The following TMCC3 variants were observed in gnomAD, a reference collection of about 807,000 sequenced individuals.
TMCC3 encodes transmembrane and coiled-coil domain protein 3.
In TMCC3, 28 loss-of-function variants were observed where a neutral mutation model predicts 40.2. The observed-to-expected ratio is 0.70, with a 90% CI of 0.52 to 0.95. The LOEUF (loss-of-function observed/expected upper bound fraction) is 0.95, where lower values mean the gene tolerates loss of function less well. TMCC3 is among the 40% of genes least tolerant of loss of function. The pLI is 0.00. For synonymous variants in TMCC3, 255 were observed against 248.5 expected, an observed-to-expected ratio of 1.03 and a Z score of -0.25; for missense variants, 554 against 615.2, an observed-to-expected ratio of 0.90 and a Z score of 1.05.
intron 1 of TMCC3, among the ~76,000 whole-genome samples, chr12:94,624,310 C>T (rs987024942): frequency 6.6e-6 from 1 of 152,094 alleles, no homozygotes; most frequent in South Asian, 2.1e-4. Context: ...AAACATATAC[C>T]CCCACAAAAA....
chr12:94,620,705 G>C (rs2138868097), intron 1 of TMCC3, among the ~76,000 whole-genome samples: 1 of 151,848 alleles, frequency 6.6e-6, no homozygotes, highest in Non-Finnish European at 1.5e-5. Flanking sequence ...CTTAATCTTT[G>C]CTAAACACGA....
chr12:94,614,061 C>G (rs2068832453), intron 1 of TMCC3: 1 of 144,932 alleles, frequency 6.9e-6, no homozygotes, highest in East Asian at 2.1e-4. Context: ...CACCACTGCA[C>G]TCCAGCCTGG....
chr12:94,646,463 A>G, intron 1 of TMCC3, among the ~76,000 whole-genome samples: 1 of 133,480 alleles, frequency 7.5e-6, no homozygotes, highest in Admixed American at 7.7e-5. Flanking sequence ...TTTGAGAGGA[A>G]GTCTCACTCT....
In TMCC3 at chr12:94,590,655, G is replaced by A. The variant is rs531681421; in HGVS notation, c.79-8117C>T. ...TGCTGGCTGATACAGCTGGGAGACC[G>A]ATGTGGGGCTCAGCATGGCCCCACA... On this transcript the variant is annotated intron_variant, in intron 1 of 3. Transcript: ENST00000261226. 4.7e-4 allele frequency among the ~76,000 whole-genome samples: 72 copies of A among 152,266 alleles called. 1 individual carries two copies. Among genetic ancestry groups the A allele is most frequent in the African/African-American group, 1.7e-3 (69 of 41,556 alleles).
At chr12:94,620,594 A>T (rs564802990) in intron 1 of TMCC3, among the ~76,000 whole-genome samples, 6 of 147,172 alleles carry the variant, frequency 4.1e-5, no homozygotes, top group Admixed American at 4.1e-4. Flanking sequence ...GGCCTGTGGA[A>T]TTTTTTTTTT....
chr12:94,613,511 A>AATT (rs2068828770), intron 1 of TMCC3, among the ~76,000 whole-genome samples: 1 of 152,154 alleles, frequency 6.6e-6, no homozygotes, highest in African/African-American at 2.4e-5. Flanking sequence ...AAATCAAAGA[A>AATT]CACATACTTT....
At chr12:94,643,952 G>T (rs972828577) in intron 1 of TMCC3, among the ~76,000 whole-genome samples, 1 of 152,212 alleles carries the variant, frequency 6.6e-6, no homozygotes, top group Non-Finnish European at 1.5e-5. Context: ...CTGTAAAATG[G>T]AAAAGTGGGA....
At chr12:94,630,414 T>C (rs1264091021) in intron 1 of TMCC3, among the ~76,000 whole-genome samples, 1 of 152,146 alleles carries the variant, frequency 6.6e-6, no homozygotes, top group African/African-American at 2.4e-5. Context: ...GTCTACTGGT[T>C]TAGGGGCACA....
rs1243267627 is a variant in TMCC3 at position 94,637,034 on chromosome 12, AC to A, written c.78+13318del. Among the ~76,000 whole-genome samples, 3 of 151,946 alleles carry A rather than the reference AC, an allele frequency of 2.0e-5. No individual in the cohort carries two copies. The East Asian group carries it at 5.8e-4, about 29-fold the overall frequency. ...TCAGTTTATGGTACTTTGTTACACA[AC>A]AGTTAAAAAAAAAATAGAGTCAGGA... is the stretch of plus-strand genomic sequence containing the variant. On this transcript the variant is annotated intron_variant, in intron 1 of 3. Coordinates refer to ENST00000261226, the MANE Select transcript of TMCC3 (RefSeq NM_020698.4).
At chr12:94,573,567 G>A (rs1594263028) in intron 3 of TMCC3, among the ~76,000 whole-genome samples, 4 of 152,102 alleles carry the variant, frequency 2.6e-5, no homozygotes, top group Admixed American at 2.6e-4. Context: ...ACAGTACTCT[G>A]GCCTTTTCTA....
intron 1 of TMCC3, among the ~76,000 whole-genome samples, chr12:94,640,011 G>A (rs1456373016): frequency 2.0e-5 from 3 of 152,166 alleles, no homozygotes; most frequent in Non-Finnish European, 2.9e-5. Context: ...GGTTTTCCTA[G>A]ATGATTCTGA....
At chr12:94,588,144 G>A (rs965575773) in intron 1 of TMCC3, among the ~76,000 whole-genome samples, 1 of 152,102 alleles carries the variant, frequency 6.6e-6, no homozygotes, top group African/African-American at 2.4e-5. Context: ...CACCGGACAC[G>A]GGCACAGCAA....
At chr12:94,642,742 C>T (rs2068997353) in intron 1 of TMCC3, among the ~76,000 whole-genome samples, 1 of 152,252 alleles carries the variant, frequency 6.6e-6, no homozygotes, top group South Asian at 2.1e-4. Flanking sequence ...TCTTCCTCTC[C>T]CATCTGAACA....
intron 1 of TMCC3, among the ~76,000 whole-genome samples, chr12:94,633,256 C>T (rs1334834212): frequency 6.6e-6 from 1 of 151,906 alleles, no homozygotes; most frequent in Non-Finnish European, 1.5e-5. Context: ...TGAAAACACG[C>T]AAAGGAATGA....
At chr12:94,622,625 G>A (rs576932516) in intron 1 of TMCC3, among the ~76,000 whole-genome samples, 1 of 152,274 alleles carries the variant, frequency 6.6e-6, no homozygotes, top group African/African-American at 2.4e-5. Context: ...CAGGGCACAT[G>A]TGATCCAAAA....
intron 1 of TMCC3, among the ~76,000 whole-genome samples, chr12:94,597,232 T>G (rs1448301957): frequency 6.9e-6 from 1 of 144,780 alleles, no homozygotes; most frequent in Non-Finnish European, 1.5e-5. Context: ...GGAGGACTGA[T>G]TGAACCCAGG....
chr12:94,621,637 GT>G (rs1299477701), intron 1 of TMCC3, among the ~76,000 whole-genome samples: 1 of 152,116 alleles, frequency 6.6e-6, no homozygotes, highest in East Asian at 1.9e-4. Context: ...ACCAATTTAG[GT>G]CAAACTCATT....
At position 94,593,398 on chromosome 12, in the gene TMCC3, AAAG is replaced by A. The variant is rs1404860600; in HGVS notation, c.79-10863_79-10861del. 6.2e-5 allele frequency among the ~76,000 whole-genome samples: 3 copies of A among 48,096 alleles called. 1 individual carries two copies. The highest frequency in any genetic ancestry group is 4.8e-4 in the East Asian group (1 of 2,084). 31.6% of individuals were successfully genotyped at this position (48,096 alleles called of 152,430 possible). Reference sequence around the variant, plus strand: ...GAAAAGAAAAGAAAGAAGAAAGAAGAAAGAAGAAGAAGGAAGAAGAAGAAGGAA... The same window carrying A: ...GAAAAGAAAAGAAAGAAGAAAGAAGAAAGAAGAAGGAAGAAGAAGAAGGAA... On this transcript the variant is annotated intron_variant, in intron 1 of 3. Coordinates refer to ENST00000261226, the MANE Select transcript of TMCC3 (RefSeq NM_020698.4).
Position 94,650,384 on chromosome 12 carries a change from T to TCCG in TMCC3, c.46_47insCGG (p.Tyr16delinsSerAsp). 3 of 1,341,344 alleles carry TCCG rather than the reference T, an allele frequency of 2.2e-6. No individual in the cohort carries two copies. The highest frequency in any genetic ancestry group is 2.9e-6 in the Non-Finnish European group (3 of 1,039,598). 83.1% of individuals were successfully genotyped at this position (1,341,344 alleles called of 1,614,324 possible). ...CTTGCAGCGGTGGTGCCGGCCGGGG[T>TCCG]ACGAGTAGGTCCGGTCCACGGTGAG... On this transcript the variant is annotated protein_altering_variant, in exon 1 of 4. Transcript: ENST00000261226.
Sources: gnomAD v4.1 joint callset for allele counts (sites outside exome capture counted in the v4.1 genomes callset) on GRCh38, gnomAD v4.1.1 for gene constraint, MANE v1.5 for transcripts, NCBI Gene and HGNC (gene_info 2026-07-23, HGNC 2026-07-21) for gene names.